ADGRB3: variants seen among roughly 807,000 people sequenced by gnomAD.
ADGRB3 encodes brain-specific angiogenesis inhibitor 3.
A neutral mutation model predicts 193.4 loss-of-function variants in ADGRB3; 37 were observed. The ratio of observed to expected loss-of-function variants is 0.19; its 90% CI spans 0.15 to 0.25. The LOEUF is 0.25. Among genes scored for constraint, ADGRB3 ranks in the 10% least tolerant of loss-of-function variants. The pLI, the probability that ADGRB3 is intolerant of heterozygous loss-of-function variation, is 1.00. For missense variants in ADGRB3, 1,637 were observed against 1,852.9 expected (o/e 0.88, Z 2.14); for synonymous variants, 690 against 644.2 (o/e 1.07, Z -1.08).
Position 68,956,653 on chromosome 6 carries a change from C to T in ADGRB3, c.1369C>T (p.Gln457Ter). ...TGAAACATTTCTTTCAGCCAATGGT[C>T]AATGGAATCAGTGGGGTCATTGGAG... ...CYNPECTANG[Q>*]WNQWGHWSGC... is the part of the protein sequence containing the mutation. Residue 457 changes from glutamine (Q) to a stop codon, truncating the protein, a stop_gained, in exon 8 of 32, where the codon CAA (glutamine) becomes TAA (stop). Transcript: ENST00000370598. LOFTEE classifies it high-confidence loss of function. 6.2e-7 allele frequency: 1 copy of T among 1,613,780 alleles called. No individual in the cohort carries two copies. The highest frequency in any genetic ancestry group is 8.5e-7 in the Non-Finnish European group (1 of 1,179,904).
chr6:68,756,646 AG>A (rs1358373967), intron 3 of ADGRB3, among the ~76,000 whole-genome samples: 1 of 152,156 alleles, frequency 6.6e-6, no homozygotes, highest in Non-Finnish European at 1.5e-5. Context: ...TGCTACACAG[AG>A]ACCAGATGGG....
intron 3 of ADGRB3, among the ~76,000 whole-genome samples, chr6:68,884,720 G>A (rs1765856585): frequency 6.6e-6 from 1 of 152,080 alleles, no homozygotes; most frequent in Non-Finnish European, 1.5e-5. Flanking sequence ...GAGGAGTTGT[G>A]CGCAATACAC....
At chr6:68,814,804 C>T (rs886798329) in intron 3 of ADGRB3, among the ~76,000 whole-genome samples, 6 of 152,172 alleles carry the variant, frequency 3.9e-5, no homozygotes, top group Non-Finnish European at 8.8e-5. Context: ...AAGTGGGCTT[C>T]ATCCCTGGGA....
In ADGRB3 at chr6:69,330,545, T is replaced by C; in HGVS notation, c.3075T>C (p.Phe1025=). ...LSLEGGLLYA[F]VGPAAAVVLV... is the part of the protein sequence containing the mutation. ...TTGAAGGAGGACTACTCTATGCTTT[T>C]GTGGGACCTGCAGCCGCTGTTGTCC... The change falls in exon 23 of 32, where the codon TTT becomes TTC. Residue 1025 remains phenylalanine (F), a synonymous_variant. Coordinates refer to ENST00000370598, the MANE Select transcript of ADGRB3 (RefSeq NM_001704.3). 2 of 1,609,346 alleles carry C rather than the reference T, an allele frequency of 1.2e-6. No individual in the cohort carries two copies. The highest frequency in any genetic ancestry group is 1.7e-6 in the Non-Finnish European group (2 of 1,177,214).
At chr6:68,824,921 C>T (rs1365737480) in intron 3 of ADGRB3, among the ~76,000 whole-genome samples, 1 of 152,026 alleles carries the variant, frequency 6.6e-6, no homozygotes, top group Non-Finnish European at 1.5e-5. Flanking sequence ...GTGGCGCGAT[C>T]TCCCTCACGG....
intron 3 of ADGRB3, among the ~76,000 whole-genome samples, chr6:68,753,585 C>T (rs1168871939): frequency 3.3e-5 from 5 of 152,014 alleles, no homozygotes; most frequent in East Asian, 3.9e-4. Context: ...GTTACTGCAT[C>T]ATTATAATAT....
In ADGRB3 at chr6:68,676,407, A is replaced by AG. The variant is rs1390911001; in HGVS notation, c.757+36975_757+36976insG. Among the ~76,000 whole-genome samples, 219 of 148,320 alleles carry AG rather than the reference A, an allele frequency of 1.5e-3. 1 individual carries two copies. The highest frequency in any genetic ancestry group is 2.2e-3 in the Non-Finnish European group (149 of 67,314). On this transcript the variant is annotated intron_variant, in intron 3 of 31. Transcript: ENST00000370598. ...TCTGTCTCAAAAAAAAAAAAAAAAA[A>AG]AAAAGAAAAGGAGAGAGAGAGAATG...
intron 18 of ADGRB3, 105 bp from the exon 19 acceptor site, chr6:69,234,927 C>T: frequency 1.2e-6 from 1 of 820,774 alleles, no homozygotes; most frequent in Admixed American, 2.2e-5. Flanking sequence ...ACTATAACAA[C>T]TATATAGGCT....
chr6:69,040,307 C>CTCTTTCTTTCTTTCTTCTTTCTT (rs1554251202), intron 13 of ADGRB3, among the ~76,000 whole-genome samples: 33 of 94,806 alleles, frequency 3.5e-4, no homozygotes, highest in African/African-American at 1.5e-3. Flanking sequence ...CTTTCTCTGT[C>CTCTTTCTTTCTTTCTTCTTTCTT]TCTTTCTTTC....
intron 3 of ADGRB3, 84 bp from the exon 4 acceptor site, chr6:68,930,475 T>C: frequency 3.5e-6 from 3 of 852,538 alleles, no homozygotes; most frequent in Non-Finnish European, 5.5e-6. Flanking sequence ...TAGGTATGTA[T>C]AGGAACATAT....
chr6:68,991,889 A>G lies in ADGRB3; in HGVS notation c.1735-1879A>G, dbSNP rs190982675. On this transcript the variant is annotated intron_variant, in intron 10 of 31. Transcript: ENST00000370598. ...GTAAGCTGAGTGTCCAATGAACTCA[A>G]TTACATAAATAATAAGCTGCAAAGT... 5.1e-3 allele frequency among the ~76,000 whole-genome samples: 770 copies of G among 152,276 alleles called. 6 individuals carry two copies. The highest frequency in any genetic ancestry group is 0.017 in the African/African-American group (709 of 41,562).
intron 20 of ADGRB3, among the ~76,000 whole-genome samples, chr6:69,267,503 C>T (rs1432781294): frequency 1.3e-5 from 2 of 152,082 alleles, no homozygotes; most frequent in Non-Finnish European, 2.9e-5. Context: ...CTGCAAAAAT[C>T]TAACAAGTAA....
At chr6:69,297,368 T>TCTCTCTCTCTCTCTC (rs1767846054) in intron 20 of ADGRB3, among the ~76,000 whole-genome samples, 3 of 97,608 alleles carry the variant, frequency 3.1e-5, no homozygotes, top group Admixed American at 1.2e-4. Flanking sequence ...CTCTCTCTCT[T>TCTCTCTCTCTCTCTC]TCTCTCTCTC....
rs772155542 is a variant in ADGRB3 at position 69,360,945 on chromosome 6, TGAA to T, written c.3679_3681del (p.Glu1227del). 10 of 1,612,412 alleles carry T rather than the reference TGAA, an allele frequency of 6.2e-6. No individual in the cohort carries two copies. Among genetic ancestry groups the T allele is most frequent in the Non-Finnish European group, 8.5e-6 (10 of 1,179,052 alleles). On this transcript the variant is annotated inframe_deletion, in exon 29 of 32. Coordinates refer to ENST00000370598, the MANE Select transcript of ADGRB3 (RefSeq NM_001704.3). ...TTTCTAGGATTTCTCTAAATGATGA[TGAA>T]GAAGAAAAGGGAACAAACCCTGAAG...
chr6:68,678,402 G>T (rs931497686), intron 3 of ADGRB3, among the ~76,000 whole-genome samples: 1 of 152,150 alleles, frequency 6.6e-6, no homozygotes, highest in Non-Finnish European at 1.5e-5. Flanking sequence ...ACCTGAGGAG[G>T]CATAGCCTTC....
At chr6:69,267,850 G>A (rs1341253095) in intron 20 of ADGRB3, among the ~76,000 whole-genome samples, 1 of 152,134 alleles carries the variant, frequency 6.6e-6, no homozygotes, top group African/African-American at 2.4e-5. Context: ...CTTGGGAAAA[G>A]CTGTCTACAG....
intron 5 of ADGRB3, among the ~76,000 whole-genome samples, chr6:68,943,619 G>A (rs1176585671): frequency 6.6e-6 from 1 of 152,016 alleles, no homozygotes; most frequent in African/African-American, 2.4e-5. Context: ...CTGTTCAAAT[G>A]TAGAAAAAAG....
rs755822868 is a variant in ADGRB3, at chr6:69,233,267, T to TC, written c.2481-17dup. ...ATCAGGCGTATTTATCCCGATTTCC[T>TC]CCCCCCTCACTCCCCTTTGCAGGAA... On this transcript the variant is annotated intron_variant, in intron 17 of 31. Coordinates refer to ENST00000370598, the MANE Select transcript of ADGRB3 (RefSeq NM_001704.3). The TC allele has an allele frequency of 1.3e-5, 21 of 1,610,160 alleles. No individual in the cohort carries two copies. In the South Asian group the frequency reaches 1.8e-4, roughly 14 times the overall value.
chr6:68,885,333 A>T (rs1050940350), intron 3 of ADGRB3, among the ~76,000 whole-genome samples: 1 of 152,130 alleles, frequency 6.6e-6, no homozygotes, highest in Non-Finnish European at 1.5e-5. Context: ...CTCCAGGTTA[A>T]TTTTTTTAAT....
Sources: gnomAD v4.1 joint callset for allele counts (sites outside exome capture counted in the v4.1 genomes callset) on GRCh38, gnomAD v4.1.1 for gene constraint, MANE v1.5 for transcripts, NCBI Gene and HGNC (gene_info 2026-07-23, HGNC 2026-07-21) for gene names.